The following STS variants were observed in gnomAD, a reference collection of about 807,000 sequenced individuals.
STS encodes steroid sulfatase.
Under a neutral mutation model 26.8 loss-of-function variants are expected in STS, and 7 were observed. The observed-to-expected ratio is 0.26, with a 90% confidence interval of 0.15 to 0.49. The LOEUF (loss-of-function observed/expected upper bound fraction) is 0.49. Among genes scored for constraint, STS ranks in the 20% least tolerant of loss-of-function variants. STS has a pLI of 0.98. For missense variants in STS, 434 were observed against 465.6 expected (o/e 0.93, Z 0.63); for synonymous variants, 199 against 189.4 (o/e 1.05, Z -0.42).
chrX:7,149,813 A>T (rs1249538785), intron 1 of STS, among the ~76,000 whole-genome samples: 1 of 111,119 alleles, frequency 9.0e-6, no homozygotes, highest in South Asian at 3.8e-4. Flanking sequence ...ATCTTGTCCT[A>T]TCGTCTTCCC....
At chrX:7,343,346 C>T (rs759911965) in intron 10 of STS, among the ~76,000 whole-genome samples, 6 of 112,120 alleles carry the variant, frequency 5.4e-5, no homozygotes, top group Non-Finnish European at 7.5e-5. Flanking sequence ...TGTCTTACGA[C>T]ATGTATTACA....
At chrX:7,268,282 T>C (rs1383632088) in intron 6 of STS, among the ~76,000 whole-genome samples, 1 of 112,165 alleles carries the variant, frequency 8.9e-6, no homozygotes, top group Non-Finnish European at 1.9e-5. Context: ...AATGTATTAT[T>C]GGAAGAAGAT....
intron 2 of STS, among the ~76,000 whole-genome samples, chrX:7,197,912 T>C (rs1223095153): frequency 8.9e-6 from 1 of 111,928 alleles, no homozygotes; most frequent in Non-Finnish European, 1.9e-5. Context: ...AAATAACTGC[T>C]AAATACATGG....
chrX:7,340,200 C>T (rs1002972468), intron 10 of STS, among the ~76,000 whole-genome samples: 2 of 110,793 alleles, frequency 1.8e-5, no homozygotes, highest in Non-Finnish European at 1.9e-5. Context: ...TCCGTCCTAC[C>T]GTTTCATTGA....
At chrX:7,315,391 T>G (rs1171498584) in intron 8 of STS, among the ~76,000 whole-genome samples, 1 of 111,957 alleles carries the variant, frequency 8.9e-6, no homozygotes, top group Non-Finnish European at 1.9e-5. Flanking sequence ...TCTAGGCTTT[T>G]AAGGAGCTTT....
chrX:7,299,335 A>G (rs1203389225), intron 7 of STS, among the ~76,000 whole-genome samples: 2 of 99,959 alleles, frequency 2.0e-5, no homozygotes, highest in Non-Finnish European at 3.9e-5. Context: ...TAGAAATATT[A>G]TAAAACATAA....
At chrX:7,317,381 T>C (rs1233575656) in intron 8 of STS, among the ~76,000 whole-genome samples, 1 of 111,798 alleles carries the variant, frequency 8.9e-6, no homozygotes, top group Non-Finnish European at 1.9e-5. Flanking sequence ...ACAGGGCAGG[T>C]TTGCCCAGGT....
intron 1 of STS, among the ~76,000 whole-genome samples, chrX:7,152,403 C>G (rs1422031341): frequency 8.0e-5 from 9 of 111,857 alleles, no homozygotes. Flanking sequence ...TGCAACTCCC[C>G]TCCTTCCGGG....
chrX:7,320,166 ATATTT>A (rs1160469891), intron 8 of STS, among the ~76,000 whole-genome samples: 2 of 98,964 alleles, frequency 2.0e-5, no homozygotes, highest in African/African-American at 7.3e-5. Context: ...TTTATTATAT[ATATTT>A]TATTTTATAT....
intron 9 of STS, among the ~76,000 whole-genome samples, chrX:7,326,627 C>T (rs918060014): frequency 1.2e-4 from 14 of 112,323 alleles, no homozygotes; most frequent in Admixed American, 7.5e-4. Flanking sequence ...TATGACATTG[C>T]CAGTGGTTTC....
chrX:7,193,167 A>G (rs1468768093), intron 2 of STS, among the ~76,000 whole-genome samples: 1 of 112,560 alleles, frequency 8.9e-6, no homozygotes, highest in Non-Finnish European at 1.9e-5. Context: ...ATTCATTCCT[A>G]ACACTTAGCA....
At chrX:7,154,232 T>G (rs1227530347) in intron 1 of STS, among the ~76,000 whole-genome samples, 3 of 111,954 alleles carry the variant, frequency 2.7e-5, no homozygotes, top group Non-Finnish European at 5.6e-5. Flanking sequence ...GAATGCCATC[T>G]CTAATGTGCG....
chrX:7,239,953 C>T (rs1438063720), intron 2 of STS, among the ~76,000 whole-genome samples: 2 of 104,514 alleles, frequency 1.9e-5, no homozygotes, highest in African/African-American at 7.0e-5. Flanking sequence ...GTCTCGATCT[C>T]GGCTCACTGC....
chrX:7,275,201 G>A (rs922819379), intron 6 of STS, among the ~76,000 whole-genome samples: 1 of 111,491 alleles, frequency 9.0e-6, no homozygotes, highest in Admixed American at 9.6e-5. Context: ...TAGTTAGACA[G>A]GAGGAATAGT....
At chrX:7,258,021 TG>T (rs1923515094) in intron 5 of STS, among the ~76,000 whole-genome samples, 3 of 107,423 alleles carry the variant, frequency 2.8e-5, no homozygotes, top group Non-Finnish European at 5.8e-5. Context: ...GATGGATGGA[TG>T]GATGGATGGA....
At chrX:7,338,037 TTTAA>T (rs1333427689) in intron 10 of STS, among the ~76,000 whole-genome samples, 1 of 112,152 alleles carries the variant, frequency 8.9e-6, no homozygotes, top group Admixed American at 9.5e-5. Flanking sequence ...AATGACATAA[TTTAA>T]TTATGACCTG....
chrX:7,224,811 C>T (rs1407678907), intron 2 of STS, among the ~76,000 whole-genome samples: 2 of 112,489 alleles, frequency 1.8e-5, no homozygotes, highest in Admixed American at 1.9e-4. Flanking sequence ...TGGGTCTAAT[C>T]GTCTGTGGTT....
At position 7,323,957 on chromosome X, in the gene STS, C is replaced by G. The variant is rs186826414; in HGVS notation, c.1082-1382C>G. On this transcript the variant is annotated intron_variant, in intron 8 of 10. Coordinates refer to ENST00000674429, the MANE Select transcript of STS (RefSeq NM_001320752.2). Reference sequence around the variant, plus strand: ...TGACTCCCTCTTTCCCTTGAAAGAACCCTGTCTACAAAAAGAGTCAGACTC... The same window carrying G: ...TGACTCCCTCTTTCCCTTGAAAGAAGCCTGTCTACAAAAAGAGTCAGACTC... Among the ~76,000 whole-genome samples the G allele has an allele frequency of 5.0e-4, 56 of 111,534 alleles. No homozygotes were observed. The East Asian group carries it at 0.016, about 31-fold the overall frequency.
At chrX:7,324,294 G>A in intron 8 of STS, among the ~76,000 whole-genome samples, 1 of 110,409 alleles carries the variant, frequency 9.1e-6, no homozygotes, top group Middle Eastern at 4.7e-3. Flanking sequence ...AAAATAAGGG[G>A]GTTGTGGAGG....
Sources: allele counts gnomAD v4.1 joint callset (sites outside exome capture counted in the v4.1 genomes callset), GRCh38; gene constraint gnomAD v4.1.1; transcripts MANE v1.5; gene names NCBI Gene and HGNC (gene_info 2026-07-23, HGNC 2026-07-21).